NOTCH1: variants seen among roughly 807,000 people sequenced by gnomAD.
NOTCH1 encodes the protein notch receptor 1, also known as neurogenic locus notch homolog protein 1.
Under a neutral mutation model 254.8 loss-of-function variants are expected in NOTCH1, and 37 were observed. The observed-to-expected ratio is 0.15, with a 90% confidence interval of 0.11 to 0.19. The LOEUF is 0.19. Among genes scored for constraint, NOTCH1 ranks in the 10% least tolerant of loss-of-function variants. The pLI, the probability that NOTCH1 is intolerant of heterozygous loss-of-function variation, is 1.00. For missense variants in NOTCH1, 2,972 were observed against 3,708.6 expected (o/e 0.80, Z 5.16); for synonymous variants, 1,731 against 1,618.1 (o/e 1.07, Z -1.68).
At chr9:136,534,792 C>G (rs762452999) in intron 2 of NOTCH1, among the ~76,000 whole-genome samples, 1 of 151,864 alleles carries the variant, frequency 6.6e-6, no homozygotes. Context: ...GCAAAGCCTC[C>G]CCTGTGCACG....
chr9:136,513,502 G>T lies in NOTCH1; in HGVS notation c.2243C>A (p.Thr748Asn), dbSNP rs1284149123. 5 of 1,613,170 alleles carry T rather than the reference G, an allele frequency of 3.1e-6. No individual in the cohort carries two copies. The highest frequency in any genetic ancestry group is 4.2e-6 in the Non-Finnish European group (5 of 1,179,978). Residue 748 changes from threonine (T) to asparagine (N), a missense_variant, in exon 14 of 34, where the codon ACC becomes AAC. Around this residue, in one of 8 missense-constraint regions of NOTCH1, gnomAD observed 1,343 missense variants for 1,557.0 expected, o/e 0.86. Coordinates refer to ENST00000651671, the MANE Select transcript of NOTCH1 (RefSeq NM_017617.5). The surrounding 1 kb of genome is among the most constrained non-coding windows in gnomAD (Gnocchi z 4.7). ...CTCATTGTTGTTGATGTCACAGTTG[G>T]TCCCACTCCACCCAGGGTCACAGTC... Reference protein sequence around the residue: ...KCDCDPGWSGTNCDINNNECE... With the variant: ...KCDCDPGWSGNNCDINNNECE...
In NOTCH1 at chr9:136,515,772, A is replaced by T. The variant is rs1358700790; in HGVS notation, c.1670-56T>A. On this transcript the variant is annotated intron_variant, in intron 10 of 33. Coordinates refer to ENST00000651671, the MANE Select transcript of NOTCH1 (RefSeq NM_017617.5). ...ACTTAGGACTGGCGGCCCCCGGGACACCCATGACCAGACCTGGGGTCACCT... is the reference window on the plus strand; with the variant it reads ...ACTTAGGACTGGCGGCCCCCGGGACTCCCATGACCAGACCTGGGGTCACCT... 2.7e-6 allele frequency: 4 copies of T among 1,475,146 alleles called. No homozygotes were observed. In the East Asian group the frequency reaches 7.4e-5, roughly 27 times the overall value. The allele number at this position is 1,475,146 out of a possible 1,614,324, so 91.4% of individuals were successfully genotyped here. A position where few individuals can be genotyped will look rare whatever the true frequency, so the allele number is the denominator to read the frequency against.
At chr9:136,505,934 C>G in intron 24 of NOTCH1, 53 bp from the exon 25 acceptor site, 1 of 1,482,134 alleles carries the variant, frequency 6.7e-7, no homozygotes, top group Non-Finnish European at 9.1e-7. Context: ...CCCCGCCCCC[C>G]CGCCACCTCA....
At chr9:136,533,476 C>T (rs920573714) in intron 2 of NOTCH1, among the ~76,000 whole-genome samples, 1 of 152,250 alleles carries the variant, frequency 6.6e-6, no homozygotes, top group South Asian at 2.1e-4. Context: ...CTGTGCGGCA[C>T]GGGGCTCATC....
rs1843215052 is a variant in NOTCH1, at chr9:136,513,458, C to T, written c.2287G>A (p.Val763Ile). The change falls in exon 14 of 34, where the codon GTC becomes ATC. Residue 763 changes from valine to isoleucine, a missense_variant. Coordinates refer to ENST00000651671, the MANE Select transcript of NOTCH1 (RefSeq NM_017617.5). The surrounding 1 kb of genome is among the most constrained non-coding windows in gnomAD (Gnocchi z 4.7). ...ATGTCTTTGCAGGTGCCGCCGTTGA[C>T]ACAAGGGTTGGATTCACACTCATTG... ...NNNECESNPCVNGGTCKDMTS... is the reference protein window; with the variant it reads ...NNNECESNPCINGGTCKDMTS... 3.1e-6 allele frequency: 5 copies of T among 1,613,116 alleles called. No individual in the cohort carries two copies. In the African/African-American group the frequency reaches 6.7e-5, roughly 22 times the overall value.
At chr9:136,522,814 A>T in intron 4 of NOTCH1, 36 bp downstream of exon 4, 1 of 1,442,292 alleles carries the variant, frequency 6.9e-7, no homozygotes, top group Non-Finnish European at 9.1e-7. Flanking sequence ...GCAGCCGGGG[A>T]GGGGCTCGTG....
rs896859851 is a variant in NOTCH1 at position 136,497,430 on chromosome 9, C to T, written c.6309G>A (p.Glu2103=). ...GCCTCACGATGTCGTGATGCATGCG[C>T]TCCTGTGCGATGTCGCGCGGCAGGC... ...MDRLPRDIAQ[E]RMHHDIVRLL... is the part of the protein sequence containing the mutation. Residue 2103 remains glutamate, a synonymous_variant, in exon 34 of 34, where the codon GAG becomes GAA. Coordinates refer to ENST00000651671, the MANE Select transcript of NOTCH1 (RefSeq NM_017617.5). 3.1e-6 allele frequency: 5 copies of T among 1,612,078 alleles called. No individual in the cohort carries two copies. Among genetic ancestry groups the T allele is most frequent in the Admixed American group, 3.3e-5 (2 of 60,006 alleles).
chr9:136,541,506 A>G (rs974443046), intron 2 of NOTCH1, among the ~76,000 whole-genome samples: 1 of 152,186 alleles, frequency 6.6e-6, no homozygotes, highest in Non-Finnish European at 1.5e-5. Context: ...GCAGGGCTCC[A>G]AGAGCCTGCA....
In NOTCH1 at chr9:136,517,360, G is replaced by C; in HGVS notation, c.1467C>G (p.Val489=). 6.2e-7 allele frequency: 1 copy of C among 1,606,814 alleles called. No individual in the cohort carries two copies. Among genetic ancestry groups the C allele is most frequent in the Non-Finnish European group, 8.5e-7 (1 of 1,177,170 alleles). Residue 489 remains valine, a synonymous_variant, in exon 9 of 34, where the codon GTC becomes GTG. Transcript: ENST00000651671. ...GGCTGCTGGCACACTCGTCTGTGTT[G>C]ACCTCGCAGTGCACACCCTCGTAGC... The part of the protein sequence containing the change: ...MPGYEGVHCE[V]NTDECASSPC...
chr9:136,543,901 C>T, intron 2 of NOTCH1, 123 bp downstream of exon 2: 1 of 912,724 alleles, frequency 1.1e-6, no homozygotes. Flanking sequence ...CAGCACGTGA[C>T]CGTGCCCAGA....
intron 4 of NOTCH1, among the ~76,000 whole-genome samples, chr9:136,520,459 C>T (rs530361686): frequency 6.7e-4 from 102 of 152,280 alleles, no homozygotes; most frequent in African/African-American, 2.3e-3. Flanking sequence ...CCAGCCCTGG[C>T]GCGGTGGCTC....
intron 4 of NOTCH1, among the ~76,000 whole-genome samples, chr9:136,522,081 G>C (rs1211111215): frequency 4.6e-5 from 7 of 151,316 alleles, no homozygotes; most frequent in Non-Finnish European, 8.8e-5. Context: ...GGGTTCAAGT[G>C]ATTCTCCTCC....
chr9:136,509,996 G>C, intron 17 of NOTCH1, 35 bp from the exon 18 acceptor site: 2 of 1,589,312 alleles, frequency 1.3e-6, no homozygotes, highest in Non-Finnish European at 8.6e-7. Context: ...GTGAGGGGCA[G>C]GCACAAACCC....
At chr9:136,517,168 G>A (rs1252546838) in intron 9 of NOTCH1, 104 bp downstream of exon 9, 4 of 716,750 alleles carry the variant, frequency 5.6e-6, no homozygotes, top group Non-Finnish European at 9.4e-6. Flanking sequence ...CAGGAGGCCG[G>A]GGTGCAGATG....
rs1297968856 is a variant in NOTCH1, at chr9:136,505,361, G to A, written c.4535C>T (p.Ala1512Val). ...DGHCDSQCNS[A>V]GCLFDGFDCQ... Reference sequence around the variant, plus strand: ...GTCAAAGCCGTCGAAGAGGCAGCCGGCTGAGTTGCACTGGCTGTCACAGTG... The same window carrying A: ...GTCAAAGCCGTCGAAGAGGCAGCCGACTGAGTTGCACTGGCTGTCACAGTG... Residue 1512 changes from alanine (A) to valine (V), a missense_variant, in exon 25 of 34, where the codon GCC (alanine) becomes GTC (valine). Around this residue, in one of 8 missense-constraint regions of NOTCH1, gnomAD observed 1,343 missense variants for 1,557.0 expected, o/e 0.86. Transcript: ENST00000651671. 6.2e-7 allele frequency: 1 copy of A among 1,608,290 alleles called. No homozygotes were observed. The highest frequency in any genetic ancestry group is 1.1e-5 in the South Asian group (1 of 90,500).
rs1842906476 is a variant in NOTCH1 at position 136,495,923 on chromosome 9, T to C, written c.*148A>G. The C allele has an allele frequency of 1.2e-6, 1 of 839,328 alleles. No homozygotes were observed. Among genetic ancestry groups the C allele is most frequent in the Non-Finnish European group, 1.8e-6 (1 of 562,116 alleles). 52.0% of individuals were successfully genotyped at this position (839,328 alleles called of 1,614,324 possible). A position where few individuals can be genotyped will look rare whatever the true frequency, so the allele number is the denominator to read the frequency against. ...TGTAAAATAAAAGTACATAAATAAA[T>C]ACTAAAAAAAATTAAAATCCTCGTT... On this transcript the variant is annotated 3_prime_UTR_variant, in exon 34 of 34. Transcript: ENST00000651671.
Position 136,513,073 on chromosome 9 carries a change from C to G in NOTCH1, c.2415G>C (p.Thr805=), listed in dbSNP as rs774284462. Residue 805 remains threonine, a synonymous_variant, in exon 15 of 34, where the codon ACG becomes ACC. Coordinates refer to ENST00000651671, the MANE Select transcript of NOTCH1 (RefSeq NM_017617.5). The surrounding 1 kb of genome is among the most constrained non-coding windows in gnomAD (Gnocchi z 4.7). ...CASNPCLNQG[T]CIDDVAGYKC... The stretch of plus-strand genomic sequence containing the variant: ...TGTACCCGGCAACGTCGTCAATACA[C>G]GTGCCCTGGTTCAGACATGGGTTGG... 1.3e-6 allele frequency: 2 copies of G among 1,592,358 alleles called. No individual in the cohort carries two copies. The highest frequency in any genetic ancestry group is 1.1e-5 in the South Asian group (1 of 90,782).
At chr9:136,543,204 A>G (rs1449584443) in intron 2 of NOTCH1, 1 of 172,780 alleles carries the variant, frequency 5.8e-6, no homozygotes, top group East Asian at 1.9e-4. Flanking sequence ...TGAAGAGTCA[A>G]TTTCCTTTGA....
At position 136,513,577 on chromosome 9, in the gene NOTCH1, G is replaced by A. The variant is rs1843217127; in HGVS notation, c.2208-40C>T. Reference sequence around the variant, plus strand: ...ACACTGCAGGTCGAGGGAGGCCCGAGCAGCACGGCCGGGGCCTGGGCACTC... The same window carrying A: ...ACACTGCAGGTCGAGGGAGGCCCGAACAGCACGGCCGGGGCCTGGGCACTC... On this transcript the variant is annotated intron_variant, in intron 13 of 33. Transcript: ENST00000651671. The surrounding 1 kb of genome is among the most constrained non-coding windows in gnomAD (Gnocchi z 4.7). The A allele has an allele frequency of 6.2e-7, 1 of 1,611,208 alleles. No individual in the cohort carries two copies. Among genetic ancestry groups the A allele is most frequent in the African/African-American group, 1.3e-5 (1 of 74,922 alleles).
Sources: allele counts gnomAD v4.1 joint callset (sites outside exome capture counted in the v4.1 genomes callset), GRCh38; gene constraint gnomAD v4.1.1; regional missense constraint gnomAD v4.1.1; non-coding constraint Gnocchi (gnomAD v3.1); transcripts MANE v1.5; gene names NCBI Gene and HGNC (gene_info 2026-07-23, HGNC 2026-07-21).